Variants in RNLS observed in about 807,000 individuals in gnomAD.
RNLS encodes the protein renalase, FAD dependent amine oxidase.
RNLS carries 39 observed loss-of-function variants against 39.8 expected under a neutral mutation model. The ratio of observed to expected loss-of-function variants is 0.98; its 90% CI spans 0.76 to 1.28. The LOEUF (loss-of-function observed/expected upper bound fraction) is 1.28. Ranked by LOEUF, RNLS falls within the 50% of genes most tolerant of loss-of-function variation. The probability of loss-of-function intolerance (pLI) is 0.00; values close to 1 mark genes in which losing one functional copy is unlikely to be tolerated. For synonymous variants in RNLS, 147 were observed against 150.7 expected (o/e 0.98, Z 0.18); for missense variants, 410 against 413.3 (o/e 0.99, Z 0.07).
chr10:88,293,860 A>T (rs1207068440), intron 6 of RNLS, among the ~76,000 whole-genome samples: 3 of 152,208 alleles, frequency 2.0e-5, no homozygotes, highest in African/African-American at 7.2e-5. Flanking sequence ...ATCACTGGAT[A>T]ACCTGAGTGT....
intron 6 of RNLS, among the ~76,000 whole-genome samples, chr10:88,308,141 G>C (rs1845066842): frequency 6.6e-6 from 1 of 152,128 alleles, no homozygotes. Flanking sequence ...AATGAATTAA[G>C]GACTTAAGTG....
chr10:88,366,663 G>GA (rs774157650), intron 4 of RNLS, among the ~76,000 whole-genome samples: 12,304 of 25,790 alleles, frequency 0.48, 4,158 homozygotes, highest in African/African-American at 0.5. Context: ...TAAGTTTTCT[G>GA]AAAAAAAAAA....
intron 4 of RNLS, among the ~76,000 whole-genome samples, chr10:88,381,782 G>C (rs1564751134): frequency 6.6e-6 from 1 of 151,468 alleles, no homozygotes; most frequent in Non-Finnish European, 1.5e-5. Context: ...TAGTTACCTA[G>C]AACAGGGGTT....
intron 4 of RNLS, among the ~76,000 whole-genome samples, chr10:88,377,534 G>C (rs1316514174): frequency 2.0e-5 from 3 of 152,168 alleles, no homozygotes; most frequent in African/African-American, 7.2e-5. Context: ...AATCTGTACA[G>C]ATGTTACTGT....
At chr10:88,380,442 C>G (rs7075138) in intron 4 of RNLS, among the ~76,000 whole-genome samples, 14,236 of 134,538 alleles carry the variant, frequency 0.11, 837 homozygotes, top group East Asian at 0.36. Context: ...GTGGCGTGAT[C>G]TCCGCTCACT....
intron 4 of RNLS, among the ~76,000 whole-genome samples, chr10:88,384,528 G>A (rs1851746710): frequency 6.6e-6 from 1 of 152,194 alleles, no homozygotes; most frequent in African/African-American, 2.4e-5. Context: ...CCTTGGGAAA[G>A]GCTGTGAACT....
the RNLS span, among the ~76,000 whole-genome samples, chr10:88,182,661 C>T: frequency 6.6e-6 from 1 of 151,998 alleles, no homozygotes; most frequent in Non-Finnish European, 1.5e-5. Flanking sequence ...CTTTCTCTCT[C>T]TCTCTCCATG....
At chr10:88,309,787 C>T (rs904409749) in intron 6 of RNLS, among the ~76,000 whole-genome samples, 4 of 152,014 alleles carry the variant, frequency 2.6e-5, no homozygotes, top group Admixed American at 1.3e-4. Flanking sequence ...AGAGAGGATT[C>T]GAGGGAGTTT....
chr10:88,280,578 T>C (rs554355859), downstream of RNLS, among the ~76,000 whole-genome samples: 3 of 152,274 alleles, frequency 2.0e-5, no homozygotes, highest in African/African-American at 4.8e-5. Context: ...AAGGACTACA[T>C]AGTAACTATT....
At chr10:88,527,921 G>A (rs1231107168) in intron 4 of RNLS, among the ~76,000 whole-genome samples, 1 of 150,720 alleles carries the variant, frequency 6.6e-6, no homozygotes, top group Admixed American at 6.6e-5. Context: ...AATAAGAAAG[G>A]ACACTACAAT....
chr10:88,428,580 A>G (rs911010750), intron 4 of RNLS, among the ~76,000 whole-genome samples: 4 of 151,994 alleles, frequency 2.6e-5, no homozygotes, highest in African/African-American at 9.7e-5. Context: ...CTCAGAGGAC[A>G]GTCACAAATG....
At chr10:88,514,839 T>C (rs888295360) in intron 4 of RNLS, among the ~76,000 whole-genome samples, 2 of 152,084 alleles carry the variant, frequency 1.3e-5, no homozygotes, top group Admixed American at 6.6e-5. Context: ...GCAATAAACA[T>C]GGAAATGCTG....
intron 4 of RNLS, among the ~76,000 whole-genome samples, chr10:88,426,242 G>A (rs976790106): frequency 2.6e-5 from 4 of 152,066 alleles, no homozygotes; most frequent in Admixed American, 2.6e-4. Context: ...GTCATACCAT[G>A]TCAAACTTGG....
At chr10:88,366,663 GAAAAAAAAAAAAAAAAAA>G (rs774157650) in intron 4 of RNLS, among the ~76,000 whole-genome samples, 1 of 25,832 alleles carries the variant, frequency 3.9e-5, no homozygotes, top group Non-Finnish European at 6.6e-5. Flanking sequence ...TAAGTTTTCT[GAAAAAAAAAAAAAAAAAA>G]AAAAAAAAAA....
intron 4 of RNLS, among the ~76,000 whole-genome samples, chr10:88,374,713 A>C (rs762372033): frequency 6.6e-6 from 1 of 152,156 alleles, no homozygotes; most frequent in Non-Finnish European, 1.5e-5. Context: ...AAATGGAGCT[A>C]GTCTCACTGA....
intron 4 of RNLS, among the ~76,000 whole-genome samples, chr10:88,448,498 C>A (rs988481207): frequency 4.6e-5 from 7 of 152,126 alleles, no homozygotes; most frequent in South Asian, 2.1e-4. Context: ...AGTCAGGAAA[C>A]AACAGGTGCT....
intron 4 of RNLS, among the ~76,000 whole-genome samples, chr10:88,528,502 G>A (rs1036160559): frequency 6.6e-5 from 10 of 152,168 alleles, no homozygotes; most frequent in African/African-American, 2.4e-4. Flanking sequence ...AATGAAAGAT[G>A]TGAGCTCTGA....
intron 4 of RNLS, among the ~76,000 whole-genome samples, chr10:88,417,234 A>G (rs1854086688): frequency 6.6e-6 from 1 of 152,206 alleles, no homozygotes; most frequent in African/African-American, 2.4e-5. Context: ...GCAGGGTCTA[A>G]ACACTATTGT....
At chr10:88,364,126 A>G (rs903318665) in intron 4 of RNLS, among the ~76,000 whole-genome samples, 1 of 152,122 alleles carries the variant, frequency 6.6e-6, no homozygotes, top group African/African-American at 2.4e-5. Context: ...TGTATGTACA[A>G]CATTAATAGT....
Sources: allele counts gnomAD v4.1 joint callset (sites outside exome capture counted in the v4.1 genomes callset), GRCh38; gene constraint gnomAD v4.1.1; transcripts MANE v1.5; gene names NCBI Gene and HGNC (gene_info 2026-07-23, HGNC 2026-07-21).